The following NRXN1 variants were observed in gnomAD, a reference collection of about 807,000 sequenced individuals.
The protein encoded by NRXN1 is neurexin 1, also known as neurexin-1.
NRXN1 carries 39 observed loss-of-function variants against 150.9 expected under a neutral mutation model. That is an observed-to-expected ratio of 0.26 (90% CI 0.20 to 0.34). The LOEUF is 0.34. Among genes scored for constraint, NRXN1 ranks in the 10% least tolerant of loss-of-function variants. The pLI is 1.00. For missense variants in NRXN1, 1,815 were observed against 1,949.9 expected, an observed-to-expected ratio of 0.93 and a Z score of 1.30; for synonymous variants, 924 against 757.0, an observed-to-expected ratio of 1.22 and a Z score of -3.62.
chr2:50,669,426 A>G (rs1290917364), intron 5 of NRXN1, among the ~76,000 whole-genome samples: 1 of 152,016 alleles, frequency 6.6e-6, no homozygotes, highest in Non-Finnish European at 1.5e-5. Context: ...AACAGAAACT[A>G]TCTTTTTGTA....
chr2:50,631,926 C>A (rs1682393533), intron 5 of NRXN1, among the ~76,000 whole-genome samples: 1 of 151,872 alleles, frequency 6.6e-6, no homozygotes, highest in South Asian at 2.1e-4. Flanking sequence ...ATCATTAACA[C>A]AATCAAAATT....
At chr2:50,952,656 A>G (rs1459055958) in intron 2 of NRXN1, among the ~76,000 whole-genome samples, 2 of 152,220 alleles carry the variant, frequency 1.3e-5, no homozygotes, top group Non-Finnish European at 2.9e-5. Flanking sequence ...AGTGCCTCTG[A>G]TGAGCATGCA....
At chr2:49,965,447 T>C (rs1240351224) in intron 21 of NRXN1, among the ~76,000 whole-genome samples, 1 of 151,916 alleles carries the variant, frequency 6.6e-6, no homozygotes, top group East Asian at 1.9e-4. Context: ...TTTGTATTTT[T>C]AGTAGAGACG....
At chr2:50,249,263 A>T (rs367906610) in intron 17 of NRXN1, among the ~76,000 whole-genome samples, 1 of 152,082 alleles carries the variant, frequency 6.6e-6, no homozygotes, top group South Asian at 2.1e-4. Context: ...TTCTAATAAA[A>T]CAAGACAAAA....
intron 5 of NRXN1, among the ~76,000 whole-genome samples, chr2:50,864,257 G>A (rs1359970734): frequency 6.6e-6 from 1 of 151,858 alleles, no homozygotes; most frequent in African/African-American, 2.4e-5. Context: ...GGTATACAGT[G>A]GTAAGCAAAA....
intron 17 of NRXN1, among the ~76,000 whole-genome samples, chr2:50,363,271 C>A (rs2079351138): frequency 6.6e-6 from 1 of 152,078 alleles, no homozygotes; most frequent in Admixed American, 6.5e-5. Flanking sequence ...AGCTTCTGCA[C>A]AGCAAAAGAA....
intron 21 of NRXN1, among the ~76,000 whole-genome samples, chr2:50,005,576 C>T (rs1280066044): frequency 6.6e-6 from 1 of 152,090 alleles, no homozygotes; most frequent in Non-Finnish European, 1.5e-5. Flanking sequence ...CTTCCAGAAC[C>T]TAGAGCAAAT....
chr2:50,751,111 T>C lies in NRXN1; in HGVS notation c.833-127496A>G, dbSNP rs570600340. Among the ~76,000 whole-genome samples the C allele has an allele frequency of 3.3e-5, 5 of 152,126 alleles. No homozygotes were observed. In the South Asian group the frequency reaches 8.3e-4, roughly 25 times the overall value. ...GATTCTCTCCAGGACATGGGTTACA[T>C]GCATAAATTGGGCCTCTGAAAGCCT... On this transcript the variant is annotated intron_variant, in intron 5 of 22. Coordinates refer to ENST00000401669, the MANE Select transcript of NRXN1 (RefSeq NM_001330078.2).
chr2:50,339,521 C>T (rs1488973800), intron 17 of NRXN1, among the ~76,000 whole-genome samples: 1 of 152,120 alleles, frequency 6.6e-6, no homozygotes, highest in Non-Finnish European at 1.5e-5. Flanking sequence ...TTCTATACTG[C>T]CTCAGTTAAA....
intron 2 of NRXN1, among the ~76,000 whole-genome samples, chr2:51,022,978 T>C (rs1669867966): frequency 6.6e-6 from 1 of 152,108 alleles, no homozygotes; most frequent in Non-Finnish European, 1.5e-5. Context: ...ACATAAAGGG[T>C]TCAGGTAATG....
intron 21 of NRXN1, among the ~76,000 whole-genome samples, chr2:50,002,406 G>T (rs1183016792): frequency 6.6e-6 from 1 of 152,114 alleles, no homozygotes; most frequent in Non-Finnish European, 1.5e-5. Flanking sequence ...ATTTAGGACA[G>T]AAAGATCTTA....
intron 8 of NRXN1, among the ~76,000 whole-genome samples, chr2:50,594,429 C>T (rs557470156): frequency 1.2e-4 from 19 of 152,200 alleles, no homozygotes; most frequent in Non-Finnish European, 1.9e-4. Flanking sequence ...GTCGGGGAAC[C>T]TTTAACACCT....
chr2:50,828,522 G>T (rs1252376778), intron 5 of NRXN1, among the ~76,000 whole-genome samples: 1 of 151,044 alleles, frequency 6.6e-6, no homozygotes, highest in Non-Finnish European at 1.5e-5. Flanking sequence ...CGGGGCGGCT[G>T]GGCAGAGACG....
intron 18 of NRXN1, among the ~76,000 whole-genome samples, chr2:50,098,089 C>A (rs946299376): frequency 6.6e-6 from 1 of 152,064 alleles, no homozygotes. Flanking sequence ...CCTCTAACCC[C>A]CAAAAAGCAA....
chr2:50,989,372 G>GTAAT (rs1698202210), intron 2 of NRXN1, among the ~76,000 whole-genome samples: 1 of 151,868 alleles, frequency 6.6e-6, no homozygotes, highest in Non-Finnish European at 1.5e-5. Flanking sequence ...TTATAAGTGG[G>GTAAT]TAATTATATG....
At chr2:51,029,541 A>C (rs969494522) in intron 1 of NRXN1, among the ~76,000 whole-genome samples, 2 of 152,236 alleles carry the variant, frequency 1.3e-5, no homozygotes, top group Non-Finnish European at 2.9e-5. Context: ...AAGGATTTCT[A>C]CCTATGTTGT....
intron 15 of NRXN1, among the ~76,000 whole-genome samples, chr2:50,491,007 C>T (rs369152071): frequency 1.3e-5 from 2 of 152,106 alleles, no homozygotes; most frequent in Admixed American, 6.5e-5. Context: ...GATGGCCTAA[C>T]CACAGGACAG....
chr2:50,393,685 T>C (rs2103844130), intron 17 of NRXN1, among the ~76,000 whole-genome samples: 1 of 152,242 alleles, frequency 6.6e-6, no homozygotes, highest in Middle Eastern at 3.4e-3. Context: ...AGTGTTCCTT[T>C]AGCAGGAATA....
intron 5 of NRXN1, among the ~76,000 whole-genome samples, chr2:50,672,823 C>T (rs917782974): frequency 5.9e-5 from 9 of 151,996 alleles, no homozygotes; most frequent in Non-Finnish European, 1.0e-4. Context: ...GAGGTCCCTG[C>T]AATGGGAGAT....
Sources: allele counts gnomAD v4.1 joint callset (sites outside exome capture counted in the v4.1 genomes callset), GRCh38; gene constraint gnomAD v4.1.1; transcripts MANE v1.5; gene names NCBI Gene and HGNC (gene_info 2026-07-23, HGNC 2026-07-21).